Variants in NSUN6 observed in about 807,000 individuals in gnomAD.
The protein encoded by NSUN6 is tRNA (cytosine(72)-C(5))-methyltransferase NSUN6.
A neutral mutation model predicts 58.0 loss-of-function variants in NSUN6; 64 were observed. That is an observed-to-expected ratio of 1.10 (90% CI 0.90 to 1.36). The LOEUF (loss-of-function observed/expected upper bound fraction) is 1.36, where lower values mean the gene tolerates loss of function less well. Among genes scored for constraint, NSUN6 ranks in the 40% most tolerant of loss-of-function variants. NSUN6 has a pLI of 0.00. For synonymous variants in NSUN6, 231 were observed against 193.9 expected, an observed-to-expected ratio of 1.19 and a Z score of -1.59; for missense variants, 701 against 550.1, an observed-to-expected ratio of 1.27 and a Z score of -2.74.
chr10:18,570,906 C>A (rs1457890104), intron 8 of NSUN6, among the ~76,000 whole-genome samples: 3 of 151,468 alleles, frequency 2.0e-5, no homozygotes, highest in Non-Finnish European at 4.4e-5. Context: ...TTCCATTCTC[C>A]ATTCCATTCC....
rs752039904 is a variant in NSUN6 at position 18,648,502 on chromosome 10, A to C, written c.219T>G (p.Asp73Glu). The C allele has an allele frequency of 3.1e-6, 5 of 1,599,066 alleles. No homozygotes were observed. Among genetic ancestry groups the C allele is most frequent in the Non-Finnish European group, 3.4e-6 (4 of 1,170,290 alleles). ...AATTTCCACAAACCTTCTGAAGTTC[A>C]TCAAGTAACAGATTTTTCACATGTT... ...SVQHVKNLLL[D>E]ELQKQFNGLS... The change falls in exon 2 of 11, where the codon GAT becomes GAG. Residue 73 changes from aspartate (D) to glutamate (E), a missense_variant. Coordinates refer to ENST00000377304, the MANE Select transcript of NSUN6 (RefSeq NM_182543.5).
Position 18,545,715 on chromosome 10 carries a change from A to AT in NSUN6, c.*217dup, listed in dbSNP as rs1044130149. 25 of 468,126 alleles carry AT rather than the reference A, an allele frequency of 5.3e-5. No homozygotes were observed. Among genetic ancestry groups the AT allele is most frequent in the Non-Finnish European group, 8.5e-5 (23 of 271,840 alleles). The allele number at this position is 468,126 out of a possible 1,614,324, so 29.0% of individuals were successfully genotyped here. On this transcript the variant is annotated 3_prime_UTR_variant, in exon 11 of 11. Coordinates refer to ENST00000377304, the MANE Select transcript of NSUN6 (RefSeq NM_182543.5). ...CTTTTCTTTATACTCTACTAAATAC[A>AT]TAAAAAAAAAAAATCTTTTAAAAAC...
intron 5 of NSUN6, among the ~76,000 whole-genome samples, chr10:18,612,495 A>G (rs893806899): frequency 1.1e-4 from 16 of 152,182 alleles, no homozygotes; most frequent in Non-Finnish European, 1.6e-4. Context: ...ATCTACAACT[A>G]TTATTGAAAA....
At chr10:18,559,819 T>G (rs1206410906) in intron 8 of NSUN6, among the ~76,000 whole-genome samples, 1 of 138,632 alleles carries the variant, frequency 7.2e-6, no homozygotes, top group African/African-American at 2.7e-5. Context: ...GAAAAGAGAA[T>G]GGAATGGAAT....
chr10:18,545,810 C>T lies in NSUN6; in HGVS notation c.*123G>A, dbSNP rs188511855. ...GGATCCCTGGTAAAACAGCTGGCAG[C>T]CTTTTCTGTTTCCATAGCAACCACA... On this transcript the variant is annotated 3_prime_UTR_variant, in exon 11 of 11. Transcript: ENST00000377304. The T allele has an allele frequency of 4.4e-4, 299 of 677,572 alleles. 1 individual carries two copies. Among genetic ancestry groups the T allele is most frequent in the South Asian group, 1.9e-3 (114 of 58,686 alleles). The allele number at this position is 677,572 out of a possible 1,614,324, so 42.0% of individuals were successfully genotyped here. A position where few individuals can be genotyped will look rare whatever the true frequency, so the allele number is the denominator to read the frequency against.
At chr10:18,570,405 TTCCCTTCCATTC>T (rs1330961679) in intron 8 of NSUN6, among the ~76,000 whole-genome samples, 3 of 151,384 alleles carry the variant, frequency 2.0e-5, no homozygotes, top group Non-Finnish European at 4.4e-5. Flanking sequence ...TTCCATTCCA[TTCCCTTCCATTC>T]TCCATTCCAT....
chr10:18,617,063 C>T (rs528269826), intron 3 of NSUN6, among the ~76,000 whole-genome samples: 1 of 152,244 alleles, frequency 6.6e-6, no homozygotes, highest in African/African-American at 2.4e-5. Flanking sequence ...AGAGGCTCTC[C>T]CCGCCAGGTT....
chr10:18,600,959 T>TATATATATATAC lies in NSUN6; in HGVS notation c.658-4633_658-4632insGTATATATATAT. On this transcript the variant is annotated intron_variant, in intron 6 of 10. Transcript: ENST00000377304. ...AAAAAAAAATATATATATATATATA[T>TATATATATATAC]ACATATATATATATATATGTATATA... is the stretch of plus-strand genomic sequence containing the variant. 4.2e-3 allele frequency among the ~76,000 whole-genome samples: 271 copies of TATATATATATAC among 64,888 alleles called. 7 individuals carry two copies. Among genetic ancestry groups the TATATATATATAC allele is most frequent in the African/African-American group, 0.013 (244 of 18,902 alleles). 42.6% of individuals were successfully genotyped at this position (64,888 alleles called of 152,430 possible). A position where few individuals can be genotyped will look rare whatever the true frequency, so the allele number is the denominator to read the frequency against.
rs1244925094 is a variant in NSUN6 at position 18,545,992 on chromosome 10, C to A, written c.1351G>T (p.Ala451Ser). The part of the protein sequence containing the change: ...EARREDMLRL[A>S]NKDSIGFFIA... ...AAAAAACCTATAGAGTCCTTATTAG[C>A]CAGACGCAACATGTCTTCTCTTCTG... The change falls in exon 11 of 11, where the codon GCT (alanine) becomes TCT (serine). Residue 451 changes from alanine (A) to serine (S), a missense_variant. Ala to Ser is a moderately conservative substitution (Grantham distance 99). Coordinates refer to ENST00000377304, the MANE Select transcript of NSUN6 (RefSeq NM_182543.5). 6.3e-7 allele frequency: 1 copy of A among 1,582,738 alleles called. No individual in the cohort carries two copies. Among genetic ancestry groups the A allele is most frequent in the Non-Finnish European group, 8.5e-7 (1 of 1,171,642 alleles).
intron 3 of NSUN6, among the ~76,000 whole-genome samples, chr10:18,628,014 T>C (rs1029638220): frequency 1.4e-4 from 21 of 152,354 alleles, no homozygotes; most frequent in African/African-American, 3.1e-4. Context: ...CCCTGTCTGA[T>C]AGCTTTGAAG....
At chr10:18,609,732 G>A in intron 6 of NSUN6, 113 bp downstream of exon 6, 2 of 640,884 alleles carry the variant, frequency 3.1e-6, no homozygotes, top group Non-Finnish European at 5.6e-6. Flanking sequence ...GTAGATCAGT[G>A]TATGTAAGTA....
At chr10:18,656,179 T>C (rs2059775699), upstream of NSUN6, among the ~76,000 whole-genome samples, 1 of 152,182 alleles carries the variant, frequency 6.6e-6, no homozygotes, top group African/African-American at 2.4e-5. Context: ...GGTAGAATTT[T>C]CTGACGGGAA....
intron 8 of NSUN6, among the ~76,000 whole-genome samples, chr10:18,571,545 T>TAA (rs2056363597): frequency 6.6e-6 from 1 of 151,362 alleles, no homozygotes; most frequent in African/African-American, 2.4e-5. Flanking sequence ...CTCCATTGCA[T>TAA]TCTATTCCAT....
chr10:18,582,620 T>A (rs1054185117), intron 8 of NSUN6, among the ~76,000 whole-genome samples: 1 of 152,182 alleles, frequency 6.6e-6, no homozygotes, highest in African/African-American at 2.4e-5. Context: ...GTGGGGCAAC[T>A]TATGTCCCAG....
At chr10:18,654,182 G>A (rs958517812), upstream of NSUN6, among the ~76,000 whole-genome samples, 4 of 151,982 alleles carry the variant, frequency 2.6e-5, no homozygotes, top group Admixed American at 2.0e-4. Context: ...TGCAACCTCC[G>A]CTTCCTGGGT....
intron 5 of NSUN6, among the ~76,000 whole-genome samples, chr10:18,613,853 G>C (rs1268740012): frequency 3.3e-5 from 5 of 152,124 alleles, no homozygotes; most frequent in African/African-American, 7.2e-5. Flanking sequence ...ATGAACTTTG[G>C]AGTAATGGAG....
At chr10:18,641,173 T>C (rs2059380678) in intron 3 of NSUN6, among the ~76,000 whole-genome samples, 1 of 152,270 alleles carries the variant, frequency 6.6e-6, no homozygotes, top group African/African-American at 2.4e-5. Flanking sequence ...GGACAAATCA[T>C]AGTTTATTAA....
upstream of NSUN6, chr10:18,652,294 G>C: frequency 3.0e-6 from 3 of 984,530 alleles, no homozygotes; most frequent in Non-Finnish European, 3.6e-6. Flanking sequence ...CAAACTCACT[G>C]AGTCATTTTA....
intron 3 of NSUN6, among the ~76,000 whole-genome samples, chr10:18,636,650 T>G (rs534714652): frequency 6.6e-6 from 1 of 152,002 alleles, no homozygotes; most frequent in Non-Finnish European, 1.5e-5. Flanking sequence ...TCCCAGCACT[T>G]TGGGAGGTGG....
Sources: allele counts gnomAD v4.1 joint callset (sites outside exome capture counted in the v4.1 genomes callset), GRCh38; gene constraint gnomAD v4.1.1; transcripts MANE v1.5; gene names NCBI Gene and HGNC (gene_info 2026-07-23, HGNC 2026-07-21).